Variants in SNTB1 observed in about 807,000 individuals in gnomAD.
The protein encoded by SNTB1 is syntrophin beta 1, also known as beta-1-syntrophin.
A neutral mutation model predicts 48.9 loss-of-function variants in SNTB1; 36 were observed. The ratio of observed to expected loss-of-function variants is 0.74; its 90% CI spans 0.56 to 0.97. The LOEUF (loss-of-function observed/expected upper bound fraction) is 0.97, where lower values mean the gene tolerates loss of function less well. Ranked by LOEUF, SNTB1 falls within the 50% of genes least tolerant of loss-of-function variation. The pLI, the probability that SNTB1 is intolerant of heterozygous loss-of-function variation, is 0.00. For synonymous variants in SNTB1, 299 were observed against 294.6 expected (o/e 1.01, Z -0.15); for missense variants, 786 against 703.4 (o/e 1.12, Z -1.33).
At position 120,656,369 on chromosome 8, in the gene SNTB1, C is replaced by T. The variant is rs184873352; in HGVS notation, c.789-23718G>A. ...GCTAGATTTCAGTTTTTCAGTGACA[C>T]ATACATTTACAAAATATGTGGAGAA... On this transcript the variant is annotated intron_variant, in intron 2 of 6. Coordinates refer to ENST00000517992, the MANE Select transcript of SNTB1 (RefSeq NM_021021.4). Among the ~76,000 whole-genome samples, 4 of 152,282 alleles carry T rather than the reference C, an allele frequency of 2.6e-5. No individual in the cohort carries two copies. The East Asian group carries it at 7.7e-4, about 29-fold the overall frequency.
intron 1 of SNTB1, among the ~76,000 whole-genome samples, chr8:120,709,914 A>T (rs989723112): frequency 4.9e-5 from 7 of 142,524 alleles, no homozygotes; most frequent in African/African-American, 7.8e-5. Context: ...TCTGGTATTT[A>T]AAAAAAAAAA....
intron 1 of SNTB1, among the ~76,000 whole-genome samples, chr8:120,729,407 C>A (rs536104001): frequency 4.4e-4 from 67 of 152,244 alleles, no homozygotes; most frequent in African/African-American, 1.6e-3. Context: ...ATTTTCCAAG[C>A]AATGTACAGA....
At chr8:120,642,053 G>A (rs1229848831) in intron 2 of SNTB1, among the ~76,000 whole-genome samples, 1 of 152,134 alleles carries the variant, frequency 6.6e-6, no homozygotes, top group Non-Finnish European at 1.5e-5. Context: ...ACTTAACTAG[G>A]AACTCTGGGG....
rs201728533 is a variant in SNTB1 at position 120,564,112 on chromosome 8, CA to C, written c.1136+10973del. Among the ~76,000 whole-genome samples the C allele has an allele frequency of 9.7e-3, 1,080 of 111,408 alleles. 2 individuals carry two copies. The highest frequency in any genetic ancestry group is 0.013 in the Middle Eastern group (3 of 240). 73.1% of individuals were successfully genotyped at this position (111,408 alleles called of 152,430 possible). A position where few individuals can be genotyped will look rare whatever the true frequency, so the allele number is the denominator to read the frequency against. Reference sequence around the variant, plus strand: ...AATAAGAGCAAAACTCTGTCTCAAACAAAAAAAAAAAAAAAGAATTATGTAC... The same window carrying C: ...AATAAGAGCAAAACTCTGTCTCAAACAAAAAAAAAAAAAAGAATTATGTAC... On this transcript the variant is annotated intron_variant, in intron 4 of 6. Transcript: ENST00000517992.
intron 3 of SNTB1, among the ~76,000 whole-genome samples, chr8:120,631,477 T>C (rs1816978404): frequency 6.6e-6 from 1 of 152,184 alleles, no homozygotes; most frequent in African/African-American, 2.4e-5. Context: ...GCCATTTGAC[T>C]GGGCCTTCTC....
At chr8:120,793,323 C>T (rs1820069305) in intron 1 of SNTB1, among the ~76,000 whole-genome samples, 1 of 152,100 alleles carries the variant, frequency 6.6e-6, no homozygotes, top group Non-Finnish European at 1.5e-5. Flanking sequence ...CACATCTGTG[C>T]TTGCCCAAAG....
At chr8:120,776,103 A>G (rs901875680) in intron 1 of SNTB1, among the ~76,000 whole-genome samples, 5 of 152,186 alleles carry the variant, frequency 3.3e-5, no homozygotes, top group Non-Finnish European at 7.3e-5. Flanking sequence ...TACCCAAAGG[A>G]TTATAAATCA....
chr8:120,624,371 A>G (rs946554504), intron 3 of SNTB1, among the ~76,000 whole-genome samples: 3 of 152,230 alleles, frequency 2.0e-5, no homozygotes, highest in Non-Finnish European at 4.4e-5. Context: ...CAAGGGCAAG[A>G]GAGCATGCAC....
chr8:120,589,477 A>G (rs934206467), intron 3 of SNTB1, among the ~76,000 whole-genome samples: 6 of 152,200 alleles, frequency 3.9e-5, no homozygotes, highest in Admixed American at 2.6e-4. Flanking sequence ...GGAATTGCCA[A>G]TTGCCCATCC....
chr8:120,742,076 C>T (rs1373909364), intron 1 of SNTB1, among the ~76,000 whole-genome samples: 1 of 152,108 alleles, frequency 6.6e-6, no homozygotes, highest in Non-Finnish European at 1.5e-5. Flanking sequence ...AGGTAGAATA[C>T]ACAGGTGAAT....
chr8:120,632,530 C>T lies in SNTB1; in HGVS notation c.910G>A (p.Val304Met), dbSNP rs777272125. The T allele has an allele frequency of 6.2e-7, 1 of 1,614,052 alleles. No individual in the cohort carries two copies. The highest frequency in any genetic ancestry group is 1.3e-5 in the African/African-American group (1 of 74,924). ...HSNVNDLLTR[V>M]IAEVREQLGK... ...AGCTGCTCTCTGACCTCAGCAATCA[C>T]TCGGGTCAGCAGGTCATTAACGTTG... The change falls in exon 3 of 7, where the codon GTG becomes ATG. Residue 304 changes from valine (V) to methionine (M), a missense_variant. Val to Met is a conservative substitution (Grantham distance 21). Coordinates refer to ENST00000517992, the MANE Select transcript of SNTB1 (RefSeq NM_021021.4).
chr8:120,614,507 T>A (rs1816676281), intron 3 of SNTB1, among the ~76,000 whole-genome samples: 1 of 152,240 alleles, frequency 6.6e-6, no homozygotes, highest in African/African-American at 2.4e-5. Context: ...TGCCCTTCTA[T>A]GCCTTAGCTC....
chr8:120,746,735 G>A (rs939120341), intron 1 of SNTB1, among the ~76,000 whole-genome samples: 13 of 152,104 alleles, frequency 8.5e-5, no homozygotes, highest in South Asian at 2.1e-4. Flanking sequence ...ATTTCTTTCC[G>A]TTATTCAGTA....
intron 1 of SNTB1, among the ~76,000 whole-genome samples, chr8:120,721,222 T>A (rs1479166315): frequency 6.6e-6 from 1 of 152,236 alleles, no homozygotes; most frequent in African/African-American, 2.4e-5. Context: ...TACTTTTGAC[T>A]ATTTAAAAAA....
intron 3 of SNTB1, among the ~76,000 whole-genome samples, chr8:120,628,419 T>A (rs1044509304): frequency 6.6e-6 from 1 of 152,128 alleles, no homozygotes; most frequent in Non-Finnish European, 1.5e-5. Context: ...GAGTTAGTAT[T>A]TATGGGTCAT....
At chr8:120,547,609 A>AAAAAAAAC (rs1815405865) in intron 5 of SNTB1, among the ~76,000 whole-genome samples, 1 of 150,820 alleles carries the variant, frequency 6.6e-6, no homozygotes. Context: ...AAAAAAAAAA[A>AAAAAAAAC]AAAACAACTT....
chr8:120,640,456 C>T (rs1817172197), intron 2 of SNTB1, among the ~76,000 whole-genome samples: 1 of 152,090 alleles, frequency 6.6e-6, no homozygotes, highest in Admixed American at 6.6e-5. Context: ...TGTCTTGTGC[C>T]AGTTTTCAGA....
chr8:120,552,325 C>T (rs574255865), intron 4 of SNTB1, among the ~76,000 whole-genome samples: 1 of 152,258 alleles, frequency 6.6e-6, no homozygotes, highest in Admixed American at 6.5e-5. Flanking sequence ...ACAGGGAGAG[C>T]TTAATGGGGA....
At chr8:120,701,330 T>A (rs980519192) in intron 1 of SNTB1, among the ~76,000 whole-genome samples, 7 of 152,164 alleles carry the variant, frequency 4.6e-5, no homozygotes, top group African/African-American at 1.2e-4. Context: ...TGCCACTAAC[T>A]AGCTCTCCAG....
Sources: gnomAD v4.1 joint callset for allele counts (sites outside exome capture counted in the v4.1 genomes callset) on GRCh38, gnomAD v4.1.1 for gene constraint, MANE v1.5 for transcripts, NCBI Gene and HGNC (gene_info 2026-07-23, HGNC 2026-07-21) for gene names.